TYW1: variants seen among roughly 807,000 people sequenced by gnomAD.
TYW1 encodes S-adenosyl-L-methionine-dependent tRNA 4-demethylwyosine synthase TYW1.
In TYW1, 46 loss-of-function variants were observed where a neutral mutation model predicts 96.2. The ratio of observed to expected loss-of-function variants is 0.48; its 90% confidence interval spans 0.38 to 0.61. The LOEUF (loss-of-function observed/expected upper bound fraction) is 0.61. Ranked by LOEUF, TYW1 falls within the 20% of genes least tolerant of loss-of-function variation. The probability of loss-of-function intolerance (pLI) is 0.00; values close to 1 mark genes in which losing one functional copy is unlikely to be tolerated. For synonymous variants in TYW1, 274 were observed against 323.0 expected, an observed-to-expected ratio of 0.85 and a Z score of 1.63; for missense variants, 684 against 909.6, an observed-to-expected ratio of 0.75 and a Z score of 3.19.
chr7:67,009,578 A>C lies in TYW1; in HGVS notation c.274-5A>C. 1 of 1,610,042 alleles carries C rather than the reference A, an allele frequency of 6.2e-7. No individual in the cohort carries two copies. The highest frequency in any genetic ancestry group is 8.5e-7 in the Non-Finnish European group (1 of 1,179,058). ...TTTATTTGATGTTTTTTTTGGTCCT[A>C]TTAGGGATTCGCAACAGTTCTTGCT... On this transcript the variant is annotated splice_polypyrimidine_tract_variant and splice_region_variant and intron_variant, in intron 3 of 15. Coordinates refer to ENST00000359626, the MANE Select transcript of TYW1 (RefSeq NM_018264.4).
chr7:67,156,794 T>C (rs1434766895), intron 13 of TYW1, among the ~76,000 whole-genome samples: 2 of 151,620 alleles, frequency 1.3e-5, no homozygotes, highest in Non-Finnish European at 2.9e-5. Flanking sequence ...TGCTTGGGGC[T>C]CCTGGTGTGA....
intron 10 of TYW1, among the ~76,000 whole-genome samples, chr7:67,081,466 C>T (rs1279036251): frequency 1.3e-5 from 2 of 148,342 alleles, no homozygotes; most frequent in South Asian, 4.3e-4. Context: ...TTTTAGCTTG[C>T]TTGATCTGAA....
At chr7:67,020,329 G>A (rs568632739) in intron 6 of TYW1, among the ~76,000 whole-genome samples, 29 of 146,274 alleles carry the variant, frequency 2.0e-4, no homozygotes, top group Non-Finnish European at 4.1e-4. Context: ...GCTGCAGTGA[G>A]CTATGATCAA....
chr7:67,002,473 C>T (rs1336088364), intron 3 of TYW1, among the ~76,000 whole-genome samples: 2 of 152,162 alleles, frequency 1.3e-5, no homozygotes, highest in East Asian at 1.9e-4. Flanking sequence ...CCTCAGAAGG[C>T]GTAGCTTCAT....
chr7:67,073,484 T>C (rs1233020890), intron 10 of TYW1, among the ~76,000 whole-genome samples: 1 of 152,086 alleles, frequency 6.6e-6, no homozygotes, highest in Non-Finnish European at 1.5e-5. Flanking sequence ...AAATAGAATG[T>C]GACCAGGCCG....
intron 6 of TYW1, among the ~76,000 whole-genome samples, chr7:67,020,920 CG>C: frequency 6.6e-6 from 1 of 152,238 alleles, no homozygotes; most frequent in Non-Finnish European, 1.5e-5. Flanking sequence ...CCCAGCTACT[CG>C]GGAGGCTGAA....
chr7:67,099,329 G>T (rs1174585751), intron 12 of TYW1, among the ~76,000 whole-genome samples: 1 of 152,164 alleles, frequency 6.6e-6, no homozygotes, highest in Non-Finnish European at 1.5e-5. Flanking sequence ...ACTGCGCCTG[G>T]CCTAATTTTT....
chr7:67,176,387 G>A (rs2949094), intron 13 of TYW1, among the ~76,000 whole-genome samples: 4 of 152,066 alleles, frequency 2.6e-5, no homozygotes, highest in South Asian at 2.1e-4. Context: ...TACTTGAAAC[G>A]TGGCTACCCT....
chr7:67,226,023 A>G (rs528893690), intron 15 of TYW1, among the ~76,000 whole-genome samples: 2 of 151,004 alleles, frequency 1.3e-5, no homozygotes, highest in East Asian at 3.9e-4. Flanking sequence ...ACCAGCAAGA[A>G]CAAATTTTGG....
intron 6 of TYW1, among the ~76,000 whole-genome samples, chr7:67,022,706 G>T (rs1794315888): frequency 6.6e-6 from 1 of 152,194 alleles, no homozygotes; most frequent in Non-Finnish European, 1.5e-5. Flanking sequence ...ATATCAGGGT[G>T]GAGTTAACTG....
Position 67,238,429 on chromosome 7 carries a change from C to T in TYW1, c.2099C>T (p.Thr700Ile). The change falls in exon 16 of 16, where the codon ACT (threonine) becomes ATT (isoleucine). Residue 700 changes from threonine (T) to isoleucine (I), a missense_variant. Physicochemically the swap from Thr to Ile is moderately conservative, Grantham distance 89. Transcript: ENST00000359626. Reference protein sequence around the residue: ...TFSAKDYMARTPHWALFGASE... With the variant: ...TFSAKDYMARIPHWALFGASE... Reference sequence around the variant, plus strand: ...AGCGCAAAGGATTATATGGCCAGAACTCCTCACTGGGCATTATTTGGTGCC... The same window carrying T: ...AGCGCAAAGGATTATATGGCCAGAATTCCTCACTGGGCATTATTTGGTGCC... The T allele has an allele frequency of 6.2e-7, 1 of 1,613,882 alleles. No homozygotes were observed. Among genetic ancestry groups the T allele is most frequent in the East Asian group, 2.2e-5 (1 of 44,878 alleles).
chr7:67,194,575 G>A (rs796484437), intron 14 of TYW1, among the ~76,000 whole-genome samples: 2 of 152,176 alleles, frequency 1.3e-5, no homozygotes, highest in African/African-American at 4.8e-5. Context: ...GGTGAGCCCC[G>A]ATTGCGCCAC....
chr7:67,086,704 A>G lies in TYW1; in HGVS notation c.1384+3165A>G, dbSNP rs370220548. Among the ~76,000 whole-genome samples the G allele has an allele frequency of 2.0e-5, 3 of 152,338 alleles. No individual in the cohort carries two copies. In the East Asian group the frequency reaches 5.8e-4, roughly 29 times the overall value. On this transcript the variant is annotated intron_variant, in intron 11 of 15. Transcript: ENST00000359626. ...GCCTTCAAATGATTGGATGAGGTCC[A>G]TCCACATTATGACGGGCAATCTACT...
At chr7:67,093,226 G>A (rs1416166079) in intron 11 of TYW1, among the ~76,000 whole-genome samples, 1 of 152,144 alleles carries the variant, frequency 6.6e-6, no homozygotes, top group Admixed American at 6.5e-5. Context: ...AACATTTGCA[G>A]CTAGCACGTT....
chr7:67,117,987 TCCCCATGG>T (rs1797647106), intron 13 of TYW1, among the ~76,000 whole-genome samples: 1 of 152,144 alleles, frequency 6.6e-6, no homozygotes, highest in East Asian at 1.9e-4. Flanking sequence ...GTCGTAGGAC[TCCCCATGG>T]GTACCAAAAT....
chr7:67,167,684 G>A (rs1484665419), intron 13 of TYW1, among the ~76,000 whole-genome samples: 1 of 151,532 alleles, frequency 6.6e-6, no homozygotes, highest in African/African-American at 2.4e-5. Flanking sequence ...GCCCTGTTCT[G>A]CAGTGTCAGT....
chr7:67,025,371 A>G (rs1311480359), intron 7 of TYW1, among the ~76,000 whole-genome samples: 1 of 151,896 alleles, frequency 6.6e-6, no homozygotes, highest in African/African-American at 2.4e-5. Flanking sequence ...TGAGCTAAAA[A>G]AAAAAAATCG....
intron 11 of TYW1, among the ~76,000 whole-genome samples, chr7:67,088,743 C>T (rs1796623375): frequency 6.6e-6 from 1 of 151,994 alleles, no homozygotes; most frequent in African/African-American, 2.4e-5. Flanking sequence ...TTTTAAAAAA[C>T]ATTTTTGTAG....
At position 67,017,893 on chromosome 7, in the gene TYW1, C is replaced by T. The variant is rs147693115; in HGVS notation, c.611C>T (p.Ala204Val). Residue 204 changes from alanine to valine, a missense_variant, in exon 6 of 16, where the codon GCG becomes GTG. Transcript: ENST00000359626. ...NVDKWLWMLG[A>V]HRVMSRGEGD... ...GACAAGTGGCTCTGGATGCTTGGCG[C>T]GCATCGTGTGATGAGTCGAGGGGAG... 13 of 1,613,830 alleles carry T rather than the reference C, an allele frequency of 8.1e-6. No individual in the cohort carries two copies. Among genetic ancestry groups the T allele is most frequent in the Admixed American group, 1.7e-5 (1 of 59,972 alleles).
Sources: gnomAD v4.1 joint callset for allele counts (sites outside exome capture counted in the v4.1 genomes callset) on GRCh38, gnomAD v4.1.1 for gene constraint, MANE v1.5 for transcripts, NCBI Gene and HGNC (gene_info 2026-07-23, HGNC 2026-07-21) for gene names.